Variants in EXOC4 observed in about 807,000 individuals in gnomAD.
The protein encoded by EXOC4 is SEC8-like 1.
EXOC4 carries 71 observed loss-of-function variants against 107.2 expected under a neutral mutation model. The observed-to-expected ratio is 0.66, with a 90% CI of 0.55 to 0.81. The LOEUF is 0.81. Among genes scored for constraint, EXOC4 ranks in the 30% least tolerant of loss-of-function variants. The pLI is 0.00. For synonymous variants in EXOC4, 456 were observed against 441.2 expected (o/e 1.03, Z -0.42); for missense variants, 1,108 against 1,189.6 (o/e 0.93, Z 1.01).
At chr7:134,098,256 A>G in the EXOC4 span, among the ~76,000 whole-genome samples, 1 of 152,144 alleles carries the variant, frequency 6.6e-6, no homozygotes, top group Non-Finnish European at 1.5e-5. Context: ...GGTAATTTAG[A>G]TCTACATAAT....
intron 10 of EXOC4, among the ~76,000 whole-genome samples, chr7:133,698,588 A>AAG (rs58986199): frequency 6.7e-6 from 1 of 148,194 alleles, no homozygotes; most frequent in African/African-American, 2.6e-5. Context: ...AAAAAAAAAA[A>AAG]TATAGAAGAT....
chr7:133,558,189 C>CTCTTTTCTTTTCTTTTCTTT (rs11275864), intron 9 of EXOC4, among the ~76,000 whole-genome samples: 1,821 of 114,386 alleles, frequency 0.016, 50 homozygotes, highest in Non-Finnish European at 0.019. Context: ...TTGGTTCCTT[C>CTCTTTTCTTTTCTTTTCTTT]TCTTTTCTTT....
chr7:133,855,152 T>TAA (rs1563028674), intron 11 of EXOC4, among the ~76,000 whole-genome samples: 53 of 134,900 alleles, frequency 3.9e-4, no homozygotes, highest in African/African-American at 1.5e-3. Flanking sequence ...TAAATATATA[T>TAA]ATAAATATAT....
At chr7:133,623,251 ACTTGT>A (rs1420121861) in intron 9 of EXOC4, among the ~76,000 whole-genome samples, 1 of 152,204 alleles carries the variant, frequency 6.6e-6, no homozygotes, top group Non-Finnish European at 1.5e-5. Flanking sequence ...CAAGACGTTT[ACTTGT>A]CTTATGATGA....
At chr7:133,911,448 T>C (rs1374546478) in intron 12 of EXOC4, among the ~76,000 whole-genome samples, 1 of 152,244 alleles carries the variant, frequency 6.6e-6, no homozygotes, top group African/African-American at 2.4e-5. Flanking sequence ...ACTTTTGGGA[T>C]TGGTGTTCAT....
intron 17 of EXOC4, among the ~76,000 whole-genome samples, chr7:134,058,251 C>T (rs553597368): frequency 1.3e-5 from 2 of 152,288 alleles, no homozygotes; most frequent in East Asian, 3.9e-4. Flanking sequence ...ATTTTTCTCC[C>T]TCTCAAATTT....
At chr7:134,073,205 C>CAAAA in the EXOC4 span, among the ~76,000 whole-genome samples, 237 of 22,548 alleles carry the variant, frequency 0.011, 37 homozygotes, top group East Asian at 0.043. Flanking sequence ...GACTTCCTCT[C>CAAAA]AAAAAAAAAA....
intron 6 of EXOC4, among the ~76,000 whole-genome samples, chr7:133,361,347 C>G (rs1796132035): frequency 6.6e-6 from 1 of 152,156 alleles, no homozygotes; most frequent in Non-Finnish European, 1.5e-5. Context: ...GTGGTGTGAT[C>G]TTGGCTCACT....
At chr7:133,496,277 T>A (rs1799475534) in intron 9 of EXOC4, among the ~76,000 whole-genome samples, 1 of 152,048 alleles carries the variant, frequency 6.6e-6, no homozygotes, top group Non-Finnish European at 1.5e-5. Flanking sequence ...TGCCTTAGCC[T>A]CCCAAGTAGC....
intron 9 of EXOC4, among the ~76,000 whole-genome samples, chr7:133,604,242 C>CT (rs1654335371): frequency 1.3e-5 from 2 of 152,060 alleles, no homozygotes; most frequent in Non-Finnish European, 2.9e-5. Context: ...TTACAGTTAT[C>CT]TTTTTTTATA....
intron 1 of EXOC4, among the ~76,000 whole-genome samples, chr7:133,266,754 A>T (rs1465995016): frequency 6.6e-6 from 1 of 152,152 alleles, no homozygotes; most frequent in Non-Finnish European, 1.5e-5. Context: ...GCCATGTAAG[A>T]TTTGTGACTT....
At chr7:133,842,267 T>C (rs1292164871) in intron 11 of EXOC4, among the ~76,000 whole-genome samples, 1 of 152,258 alleles carries the variant, frequency 6.6e-6, no homozygotes, top group Non-Finnish European at 1.5e-5. Flanking sequence ...TACATTTTCA[T>C]CAGCAGTGTG....
intron 10 of EXOC4, among the ~76,000 whole-genome samples, chr7:133,687,634 C>T (rs1269190235): frequency 6.6e-6 from 1 of 152,116 alleles, no homozygotes; most frequent in African/African-American, 2.4e-5. Flanking sequence ...GCCTCTTTGG[C>T]TGTAGCACCT....
chr7:133,734,525 G>A (rs916562033), intron 10 of EXOC4, among the ~76,000 whole-genome samples: 3 of 149,910 alleles, frequency 2.0e-5, no homozygotes, highest in Admixed American at 6.7e-5. Context: ...ATTATATTTC[G>A]AGGATTTTTC....
intron 10 of EXOC4, among the ~76,000 whole-genome samples, chr7:133,784,633 G>A (rs1457217283): frequency 6.6e-6 from 1 of 152,212 alleles, no homozygotes; most frequent in African/African-American, 2.4e-5. Flanking sequence ...AAATGCATCT[G>A]CTGTGAAAGT....
chr7:133,951,899 G>A (rs957217489), intron 14 of EXOC4, among the ~76,000 whole-genome samples: 2 of 152,162 alleles, frequency 1.3e-5, no homozygotes, highest in Non-Finnish European at 2.9e-5. Context: ...AGTGGCTCAC[G>A]CCTGAATCCT....
intron 12 of EXOC4, among the ~76,000 whole-genome samples, chr7:133,906,357 A>G (rs1013153309): frequency 2.8e-4 from 43 of 152,312 alleles, no homozygotes; most frequent in African/African-American, 8.2e-4. Context: ...AAGAATCCCT[A>G]AGCCTTGCTG....
intron 7 of EXOC4, among the ~76,000 whole-genome samples, chr7:133,408,961 G>A (rs1584893998): frequency 6.6e-6 from 1 of 152,152 alleles, no homozygotes; most frequent in East Asian, 1.9e-4. Context: ...ATCATAGGTA[G>A]CCTGTGTTAG....
intron 10 of EXOC4, among the ~76,000 whole-genome samples, chr7:133,674,186 A>G (rs1794006904): frequency 6.6e-6 from 1 of 152,212 alleles, no homozygotes; most frequent in African/African-American, 2.4e-5. Flanking sequence ...AAAGTAGTTT[A>G]TAGTCAAAAG....
Sources: gnomAD v4.1 joint callset for allele counts (sites outside exome capture counted in the v4.1 genomes callset) on GRCh38, gnomAD v4.1.1 for gene constraint, MANE v1.5 for transcripts, NCBI Gene and HGNC (gene_info 2026-07-23, HGNC 2026-07-21) for gene names.